Variants in DCTN1 observed in about 807,000 individuals in gnomAD.
DCTN1 encodes 150 kDa dynein-associated polypeptide.
In DCTN1, 61 loss-of-function variants were observed where a neutral mutation model predicts 161.2. That is an observed-to-expected ratio of 0.38 (90% CI 0.31 to 0.47). The LOEUF is 0.47. Ranked by LOEUF, DCTN1 falls within the 20% of genes least tolerant of loss-of-function variation. DCTN1 has a pLI of 0.99. For missense variants in DCTN1, 1,404 were observed against 1,623.7 expected, an observed-to-expected ratio of 0.86 and a Z score of 2.33; for synonymous variants, 653 against 632.4, an observed-to-expected ratio of 1.03 and a Z score of -0.49.
At chr2:74,379,425 T>C (rs1419638979) in intron 1 of DCTN1, among the ~76,000 whole-genome samples, 1 of 152,026 alleles carries the variant, frequency 6.6e-6, no homozygotes, top group Non-Finnish European at 1.5e-5. Flanking sequence ...CCCAAACAGC[T>C]CATCCAGGAA....
chr2:74,368,274 G>A lies in DCTN1; in HGVS notation c.1855-143C>T, dbSNP rs116081661. On this transcript the variant is annotated intron_variant, in intron 16 of 31. Transcript: ENST00000628224. ...AGCAGAAATAGCTCTTACCTGGGTG[G>A]GGAATCTTGCATGGGGAAAGGGTAG... The A allele has an allele frequency of 8.0e-4, 911 of 1,137,556 alleles. 11 individuals are homozygous for A. In the African/African-American group the frequency reaches 0.012, roughly 15 times the overall value. The allele number at this position is 1,137,556 out of a possible 1,614,324, so 70.5% of individuals were successfully genotyped here.
Position 74,363,440 on chromosome 2 carries a change from T to C in DCTN1, c.3212-13A>G. ...CCAGGGATGGCTCCTGTGGGGACCA[T>C]AAAAAATCTCATCAGCCCCAAGTGG... On this transcript the variant is annotated splice_polypyrimidine_tract_variant and intron_variant, in intron 27 of 31. Transcript: ENST00000628224. The C allele has an allele frequency of 2.5e-6, 4 of 1,611,506 alleles. No homozygotes were observed. The highest frequency in any genetic ancestry group is 2.5e-6 in the Non-Finnish European group (3 of 1,179,572).
chr2:74,371,327 C>A lies in DCTN1; in HGVS notation c.646-151G>T, dbSNP rs1040722473. On this transcript the variant is annotated intron_variant, in intron 8 of 31. Transcript: ENST00000628224. ...GGCATAAGAACATCTGAGAGGAAAC[C>A]GTAGCACAGTATATATGGGGAAAGT... The A allele has an allele frequency of 4.5e-6, 7 of 1,543,552 alleles. No individual in the cohort carries two copies. The East Asian group carries it at 1.6e-4, about 35-fold the overall frequency.
chr2:74,373,698 T>C (rs970120897), intron 6 of DCTN1, among the ~76,000 whole-genome samples: 4 of 152,220 alleles, frequency 2.6e-5, no homozygotes, highest in Non-Finnish European at 5.9e-5. Context: ...AAATGGTAAG[T>C]GGACAATTAA....
chr2:74,364,704 A>C, intron 26 of DCTN1: 3 of 339,438 alleles, frequency 8.8e-6, no homozygotes, highest in Non-Finnish European at 5.7e-6. Flanking sequence ...AAGAGCAGGT[A>C]TCGGGCAGGG....
In DCTN1 at chr2:74,377,341, T is replaced by C. The variant is rs72659366; in HGVS notation, c.393+91A>G. On this transcript the variant is annotated intron_variant, in intron 4 of 31. Coordinates refer to ENST00000628224, the MANE Select transcript of DCTN1 (RefSeq NM_004082.5). Reference sequence around the variant, plus strand: ...GACTAGAAGGCAAATCAGACTCACCTACTACTTCTACCTGCCTAGCACTGG... The same window carrying C: ...GACTAGAAGGCAAATCAGACTCACCCACTACTTCTACCTGCCTAGCACTGG... 1,691 of 1,145,914 alleles carry C rather than the reference T, an allele frequency of 1.5e-3. 2 individuals are homozygous for C. The highest frequency in any genetic ancestry group is 5.2e-3 in the Middle Eastern group (27 of 5,146). 71.0% of individuals were successfully genotyped at this position (1,145,914 alleles called of 1,614,324 possible).
rs957715407 is a variant in DCTN1 at position 74,379,916 on chromosome 2, T to C, written c.33+89A>G. The C allele has an allele frequency of 2.9e-6, 4 of 1,380,256 alleles. No individual in the cohort carries two copies. In the Admixed American group the frequency reaches 6.9e-5, roughly 24 times the overall value. The allele number at this position is 1,380,256 out of a possible 1,614,324, so 85.5% of individuals were successfully genotyped here. A position where few individuals can be genotyped will look rare whatever the true frequency, so the allele number is the denominator to read the frequency against. On this transcript the variant is annotated intron_variant, in intron 1 of 31. Coordinates refer to ENST00000628224, the MANE Select transcript of DCTN1 (RefSeq NM_004082.5). ...GTGCCCTCAGCTGAGCTCCAGCCTA[T>C]CTCCCCAGCCCCCACAGCAATGATG...
chr2:74,362,997 G>C lies in DCTN1; in HGVS notation c.3526C>G (p.Pro1176Ala). 1 of 1,612,504 alleles carries C rather than the reference G, an allele frequency of 6.2e-7. No homozygotes were observed. The highest frequency in any genetic ancestry group is 2.2e-5 in the East Asian group (1 of 44,864). The change falls in exon 29 of 32, where the codon CCT becomes GCT. Residue 1176 changes from proline to alanine, a missense_variant. Around this residue, in one of 9 missense-constraint regions of DCTN1, gnomAD observed 311 missense variants for 298.9 expected, o/e 1.04. Transcript: ENST00000628224. ...TTGGGGGTTGGCAGGTACATACCAG[G>C]GCTGGTGCGAGTGATGTCTACTACG... ...THVVDITRTS[P>A]AAKSPSAQLM... is the part of the protein sequence containing the mutation.
In DCTN1 at chr2:74,370,961, C is replaced by T. The variant is rs779035022; in HGVS notation, c.843+18G>A. On this transcript the variant is annotated intron_variant, in intron 9 of 31. Transcript: ENST00000628224. The surrounding 1 kb of genome is among the most constrained non-coding windows in gnomAD (Gnocchi z 4.4). Reference sequence around the variant, plus strand: ...GGTCTCAGGCTGCCCCAGCCACCCCCTTCATCCAGAGTCAAACCTTTCTCG... The same window carrying T: ...GGTCTCAGGCTGCCCCAGCCACCCCTTTCATCCAGAGTCAAACCTTTCTCG... 5 of 1,613,548 alleles carry T rather than the reference C, an allele frequency of 3.1e-6. No homozygotes were observed. The highest frequency in any genetic ancestry group is 4.2e-6 in the Non-Finnish European group (5 of 1,180,030).
At position 74,369,586 on chromosome 2, in the gene DCTN1, G is replaced by T; in HGVS notation, c.1393-95C>A. On this transcript the variant is annotated intron_variant, in intron 13 of 31. Coordinates refer to ENST00000628224, the MANE Select transcript of DCTN1 (RefSeq NM_004082.5). The surrounding 1 kb of genome is among the most constrained non-coding windows in gnomAD (Gnocchi z 4.9). ...AATCCCAGCACTTTGGGAGGTCAAA[G>T]CAGGCGGATCATGAGGTCGAGATCG... 7.9e-7 allele frequency: 1 copy of T among 1,265,174 alleles called. No homozygotes were observed. The highest frequency in any genetic ancestry group is 1.1e-6 in the Non-Finnish European group (1 of 874,682). The allele number at this position is 1,265,174 out of a possible 1,614,324, so 78.4% of individuals were successfully genotyped here.
In DCTN1 at chr2:74,377,476, G is replaced by A. The variant is rs568747765; in HGVS notation, c.359-10C>T. The stretch of plus-strand genomic sequence containing the variant: ...GTTGTATCAGTTCCCTCTGTAGAAA[G>A]CAAACAGAAACAAAGTGTGTACTTG... On this transcript the variant is annotated splice_polypyrimidine_tract_variant and intron_variant, in intron 3 of 31. Coordinates refer to ENST00000628224, the MANE Select transcript of DCTN1 (RefSeq NM_004082.5). 3 of 1,612,378 alleles carry A rather than the reference G, an allele frequency of 1.9e-6. No individual in the cohort carries two copies. Among genetic ancestry groups the A allele is most frequent in the Admixed American group, 3.3e-5 (2 of 60,016 alleles).
intron 1 of DCTN1, chr2:74,391,114 C>T (rs2103790558): frequency 6.5e-6 from 1 of 153,000 alleles, no homozygotes; most frequent in East Asian, 1.9e-4. Flanking sequence ...ATAGCTTAGG[C>T]TTTGGCAGTA....
chr2:74,377,952 G>C, intron 2 of DCTN1, 48 bp downstream of exon 2: 1 of 1,610,408 alleles, frequency 6.2e-7, no homozygotes, highest in Non-Finnish European at 8.5e-7. Context: ...CTGCACATGC[G>C]ACAGACATGT....
At chr2:74,372,715 A>G (rs929405361) in intron 7 of DCTN1, among the ~76,000 whole-genome samples, 1 of 152,222 alleles carries the variant, frequency 6.6e-6, no homozygotes, top group Non-Finnish European at 1.5e-5. Context: ...TTTGCATTCA[A>G]GCTACTGGCT....
intron 1 of DCTN1, chr2:74,391,469 T>A (rs1436770457): frequency 3.8e-6 from 1 of 263,180 alleles, no homozygotes; most frequent in Non-Finnish European, 7.5e-6. Context: ...CTCAACCATG[T>A]GCCCACAGGA....
intron 5 of DCTN1, 195 bp from the exon 6 acceptor site, chr2:74,374,535 C>T: frequency 1.4e-6 from 2 of 1,401,678 alleles, no homozygotes; most frequent in Non-Finnish European, 1.9e-6. Context: ...GGTGCGGCAG[C>T]TTCCCAGCCT....
At chr2:74,374,388 G>C in intron 5 of DCTN1, 48 bp from the exon 6 acceptor site, 1 of 1,612,360 alleles carries the variant, frequency 6.2e-7, no homozygotes, top group Non-Finnish European at 8.5e-7. Flanking sequence ...GAGGAAAGAG[G>C]AGGGACAGAG....
In DCTN1 at chr2:74,365,255, T is replaced by C. The variant is rs371695147; in HGVS notation, c.3030-14A>G. ...TCCTCAAACTCTCTGTGAAAGAGAA[T>C]CTGGGCTTTGGCAGTGTCCCTTCTC... On this transcript the variant is annotated splice_polypyrimidine_tract_variant and intron_variant, in intron 25 of 31. Coordinates refer to ENST00000628224, the MANE Select transcript of DCTN1 (RefSeq NM_004082.5). 2 of 1,614,118 alleles carry C rather than the reference T, an allele frequency of 1.2e-6. No homozygotes were observed. The highest frequency in any genetic ancestry group is 1.7e-5 in the Admixed American group (1 of 60,008).
intron 16 of DCTN1, chr2:74,368,398 C>T (rs543148533): frequency 3.3e-6 from 2 of 606,356 alleles, no homozygotes; most frequent in Admixed American, 3.0e-5. Context: ...AGCTGCCACT[C>T]CTGCTATCTC....
Sources: gnomAD v4.1 joint callset for allele counts (sites outside exome capture counted in the v4.1 genomes callset) on GRCh38, gnomAD v4.1.1 for gene constraint, gnomAD v4.1.1 regional missense constraint, Gnocchi (gnomAD v3.1) non-coding constraint, MANE v1.5 for transcripts, NCBI Gene and HGNC (gene_info 2026-07-23, HGNC 2026-07-21) for gene names.